Variants in PRKN observed in about 807,000 individuals in gnomAD.
PRKN encodes the protein parkin RBR E3 ubiquitin protein ligase, also known as E3 ubiquitin-protein ligase parkin.
PRKN carries 56 observed loss-of-function variants against 59.5 expected under a neutral mutation model. That is an observed-to-expected ratio of 0.94 (90% CI 0.76 to 1.18). The LOEUF (loss-of-function observed/expected upper bound fraction) is 1.18, where lower values mean the gene tolerates loss of function less well. Among genes scored for constraint, PRKN ranks in the 50% most tolerant of loss-of-function variants. PRKN has a pLI of 0.00. For synonymous variants in PRKN, 250 were observed against 222.1 expected (o/e 1.13, Z -1.12); for missense variants, 657 against 596.4 (o/e 1.10, Z -1.06).
rs1192205596 is a variant in PRKN, at chr6:161,592,878, G to A, written c.872-23462C>T. ...ACCTGAAGGAAATGACTCCTGGCCA[G>A]GGGCCAGATCGTGATGGTCTCAAGG... On this transcript the variant is annotated intron_variant, in intron 7 of 11. Transcript: ENST00000366898. The surrounding 1 kb of genome is among the most constrained non-coding windows in gnomAD (Gnocchi z 4.8). Among the ~76,000 whole-genome samples the A allele has an allele frequency of 1.3e-5, 2 of 152,204 alleles. No individual in the cohort carries two copies. Among genetic ancestry groups the A allele is most frequent in the Non-Finnish European group, 2.9e-5 (2 of 68,036 alleles).
chr6:162,037,544 C>CTT (rs543590715), intron 5 of PRKN, among the ~76,000 whole-genome samples: 2 of 137,422 alleles, frequency 1.5e-5, no homozygotes, highest in East Asian at 2.1e-4. Flanking sequence ...TTACCCTCTG[C>CTT]TTTTTTTTTT....
intron 9 of PRKN, among the ~76,000 whole-genome samples, chr6:161,501,621 C>T (rs542076798): frequency 2.6e-5 from 4 of 152,246 alleles, no homozygotes; most frequent in African/African-American, 7.2e-5. Context: ...TCAGGCTTCA[C>T]ACCCAGCCCA....
intron 7 of PRKN, among the ~76,000 whole-genome samples, chr6:161,746,897 T>C (rs992507157): frequency 1.3e-5 from 2 of 151,080 alleles, no homozygotes; most frequent in Admixed American, 6.6e-5. Flanking sequence ...TATCTATGTA[T>C]GTATGTATAA....
intron 4 of PRKN, among the ~76,000 whole-genome samples, chr6:162,064,821 T>C (rs929360989): frequency 2.0e-5 from 3 of 152,236 alleles, no homozygotes; most frequent in Non-Finnish European, 2.9e-5. Flanking sequence ...CAAATAAAGC[T>C]GACCCAATGT....
intron 1 of PRKN, among the ~76,000 whole-genome samples, chr6:162,616,827 G>A (rs992796716): frequency 7.2e-5 from 11 of 152,058 alleles, no homozygotes; most frequent in African/African-American, 2.7e-4. Flanking sequence ...CTCTTTTAAA[G>A]TCAGCAACAT....
intron 3 of PRKN, among the ~76,000 whole-genome samples, chr6:162,244,928 G>T (rs1779138745): frequency 6.6e-6 from 1 of 151,950 alleles, no homozygotes; most frequent in African/African-American, 2.4e-5. Flanking sequence ...GATAATTATG[G>T]CCCTAAGAGA....
At position 161,399,368 on chromosome 6, in the gene PRKN, A is replaced by T. The variant is rs1038948862; in HGVS notation, c.1084-12491T>A. ...CAGAGGGTCCACTGAGCTGTTTAAC[A>T]CTTAAGCTGTCTGCAGACAGCAAAA... On this transcript the variant is annotated intron_variant, in intron 9 of 11. Transcript: ENST00000366898. The surrounding 1 kb of genome is among the most constrained non-coding windows in gnomAD (Gnocchi z 4.4). Among the ~76,000 whole-genome samples, 1 of 152,194 alleles carries T rather than the reference A, an allele frequency of 6.6e-6. No individual in the cohort carries two copies. Among genetic ancestry groups the T allele is most frequent in the African/African-American group, 2.4e-5 (1 of 41,432 alleles).
At chr6:162,464,403 T>G (rs1389438178) in intron 1 of PRKN, among the ~76,000 whole-genome samples, 8 of 152,190 alleles carry the variant, frequency 5.3e-5, no homozygotes, top group Non-Finnish European at 7.3e-5. Context: ...TTATGATAAC[T>G]TTTATTTTCT....
At chr6:162,441,218 A>G (rs914383434) in intron 2 of PRKN, among the ~76,000 whole-genome samples, 1 of 152,148 alleles carries the variant, frequency 6.6e-6, no homozygotes, top group Admixed American at 6.6e-5. Context: ...CAGACTTCCC[A>G]TTTCCTTCTA....
At chr6:162,100,219 A>C (rs79813355) in intron 4 of PRKN, among the ~76,000 whole-genome samples, 4,431 of 152,214 alleles carry the variant, frequency 0.029, 236 homozygotes, top group African/African-American at 0.1. Flanking sequence ...GGCTATTGTG[A>C]ATAGTGCGGC....
chr6:161,537,815 A>G (rs1779483257), intron 9 of PRKN, among the ~76,000 whole-genome samples: 1 of 152,188 alleles, frequency 6.6e-6, no homozygotes, highest in East Asian at 1.9e-4. Flanking sequence ...CTTTAGGCAT[A>G]TGTCACATTC....
intron 6 of PRKN, among the ~76,000 whole-genome samples, chr6:161,890,516 C>T (rs1795303587): frequency 6.6e-6 from 1 of 152,204 alleles, no homozygotes; most frequent in African/African-American, 2.4e-5. Context: ...GTTTGGGACT[C>T]ATGGGCTGAA....
At chr6:161,536,140 G>T (rs1562511426) in intron 9 of PRKN, among the ~76,000 whole-genome samples, 1 of 152,034 alleles carries the variant, frequency 6.6e-6, no homozygotes, top group Non-Finnish European at 1.5e-5. Flanking sequence ...AGAAATAAAT[G>T]CCTGTGTGCC....
chr6:161,943,862 C>G (rs928224300), intron 6 of PRKN, among the ~76,000 whole-genome samples: 8 of 51,134 alleles, frequency 1.6e-4, no homozygotes, highest in African/African-American at 6.9e-4. Flanking sequence ...CCTGAGGAAG[C>G]AGCCTGAGGA....
At chr6:162,570,539 A>G (rs775628263) in intron 1 of PRKN, among the ~76,000 whole-genome samples, 2 of 152,242 alleles carry the variant, frequency 1.3e-5, no homozygotes, top group Non-Finnish European at 2.9e-5. Context: ...AGCTCTGTAT[A>G]TAATAGTTAA....
At chr6:161,807,095 A>T (rs999033259) in intron 6 of PRKN, among the ~76,000 whole-genome samples, 1 of 152,204 alleles carries the variant, frequency 6.6e-6, no homozygotes, top group Non-Finnish European at 1.5e-5. Context: ...TGTTTTTCTC[A>T]GTACAATTTT....
intron 1 of PRKN, among the ~76,000 whole-genome samples, chr6:162,611,469 T>C (rs1233269076): frequency 1.3e-5 from 2 of 152,170 alleles, no homozygotes; most frequent in Non-Finnish European, 2.9e-5. Context: ...CAACAGCTTA[T>C]AACCATTCAC....
chr6:161,755,708 C>T lies in PRKN; in HGVS notation c.871+30064G>A, dbSNP rs75162893. 3.6e-3 allele frequency among the ~76,000 whole-genome samples: 544 copies of T among 152,216 alleles called. 7 individuals are homozygous for T. Among genetic ancestry groups the T allele is most frequent in the African/African-American group, 0.012 (493 of 41,540 alleles). Reference sequence around the variant, plus strand: ...CCGTAATTCAATGTGGATAATTCAACGTGAAGACACTGGAAGTAAAACAAT... The same window carrying T: ...CCGTAATTCAATGTGGATAATTCAATGTGAAGACACTGGAAGTAAAACAAT... On this transcript the variant is annotated intron_variant, in intron 7 of 11. Coordinates refer to ENST00000366898, the MANE Select transcript of PRKN (RefSeq NM_004562.3).
intron 4 of PRKN, among the ~76,000 whole-genome samples, chr6:162,101,387 G>C (rs527982707): frequency 6.6e-6 from 1 of 151,732 alleles, no homozygotes; most frequent in South Asian, 2.1e-4. Context: ...CAATTGACTG[G>C]GCCAGGCGCG....
Sources: allele counts gnomAD v4.1 joint callset (sites outside exome capture counted in the v4.1 genomes callset), GRCh38; gene constraint gnomAD v4.1.1; non-coding constraint Gnocchi (gnomAD v3.1); transcripts MANE v1.5; gene names NCBI Gene and HGNC (gene_info 2026-07-23, HGNC 2026-07-21).